The following GIGYF2 variants were observed in gnomAD, a reference collection of about 807,000 sequenced individuals.
GIGYF2 encodes the protein GRB10 interacting GYF protein 2.
A neutral mutation model predicts 208.1 loss-of-function variants in GIGYF2; 25 were observed. The ratio of observed to expected loss-of-function variants is 0.12; its 90% CI spans 0.09 to 0.17. The LOEUF (loss-of-function observed/expected upper bound fraction) is 0.17, where lower values mean the gene tolerates loss of function less well. GIGYF2 is among the 10% of genes least tolerant of loss of function. The probability of loss-of-function intolerance (pLI) is 1.00; values close to 1 mark genes in which losing one functional copy is unlikely to be tolerated. For synonymous variants in GIGYF2, 534 were observed against 543.8 expected, an observed-to-expected ratio of 0.98 and a Z score of 0.25; for missense variants, 1,302 against 1,579.4, an observed-to-expected ratio of 0.82 and a Z score of 2.98.
At chr2:232,718,118 C>T (rs549899011) in intron 2 of GIGYF2, among the ~76,000 whole-genome samples, 1 of 152,150 alleles carries the variant, frequency 6.6e-6, no homozygotes, top group South Asian at 2.1e-4. Flanking sequence ...GACGAATTCT[C>T]ACTCTGTTGC....
At chr2:232,779,956 T>C (rs1216382464) in intron 8 of GIGYF2, among the ~76,000 whole-genome samples, 1 of 152,158 alleles carries the variant, frequency 6.6e-6, no homozygotes, top group Non-Finnish European at 1.5e-5. Flanking sequence ...TTTTTGGTGT[T>C]GATCAGATAA....
chr2:232,775,445 ATTTCT>A (rs1195951153), intron 8 of GIGYF2, among the ~76,000 whole-genome samples: 2 of 152,146 alleles, frequency 1.3e-5, no homozygotes, highest in African/African-American at 4.8e-5. Flanking sequence ...TTCCTATATG[ATTTCT>A]TTTATTTCTG....
intron 3 of GIGYF2, chr2:232,735,497 TTC>T (rs2106296706): frequency 2.7e-6 from 1 of 373,930 alleles, no homozygotes; most frequent in South Asian, 7.3e-5. Flanking sequence ...GAAAATTATT[TTC>T]TTTTTATTTG....
At chr2:232,725,300 T>C (rs1430625374) in intron 2 of GIGYF2, among the ~76,000 whole-genome samples, 2 of 152,244 alleles carry the variant, frequency 1.3e-5, no homozygotes, top group East Asian at 3.8e-4. Context: ...TTTACCAATC[T>C]TCACATTAGT....
chr2:232,699,081 G>A (rs964482719), intron 1 of GIGYF2, among the ~76,000 whole-genome samples: 1 of 152,192 alleles, frequency 6.6e-6, no homozygotes, highest in Non-Finnish European at 1.5e-5. Context: ...AAAAAAATGA[G>A]TCAGGGAGAT....
chr2:232,704,856 A>ATTTTTTTTTT lies in GIGYF2; in HGVS notation c.-44+1379_-44+1388dup, dbSNP rs10689292. On this transcript the variant is annotated intron_variant, in intron 2 of 28. Coordinates refer to ENST00000373563, the MANE Select transcript of GIGYF2 (RefSeq NM_001103146.3). The stretch of plus-strand genomic sequence containing the variant: ...GTTTTTTATAAATTTTAACTTCTGG[A>ATTTTTTTTTT]TTTTTTTTTTTTTTTTTTTTTGAGA... Among the ~76,000 whole-genome samples the ATTTTTTTTTT allele has an allele frequency of 2.6e-4, 26 of 101,958 alleles. 4 individuals are homozygous for ATTTTTTTTTT. Among genetic ancestry groups the ATTTTTTTTTT allele is most frequent in the South Asian group, 7.1e-4 (2 of 2,820 alleles). 66.9% of individuals were successfully genotyped at this position (101,958 alleles called of 152,430 possible).
chr2:232,810,897 T>A (rs1202160999), intron 16 of GIGYF2: 1 of 255,388 alleles, frequency 3.9e-6, no homozygotes, highest in Admixed American at 5.1e-5. Flanking sequence ...CTGTTTCATT[T>A]TTCATTTGAT....
intron 8 of GIGYF2, among the ~76,000 whole-genome samples, chr2:232,783,577 A>G (rs562172160): frequency 3.3e-5 from 5 of 152,328 alleles, no homozygotes; most frequent in South Asian, 2.1e-4. Context: ...ATTTTGAACA[A>G]TACTTGTTCA....
chr2:232,703,769 C>T (rs918273375), intron 2 of GIGYF2, among the ~76,000 whole-genome samples: 8 of 152,142 alleles, frequency 5.3e-5, no homozygotes, highest in African/African-American at 1.9e-4. Context: ...TGTAAAGAAC[C>T]AAAGAGCAGT....
chr2:232,789,992 T>C (rs1489778644), intron 9 of GIGYF2, among the ~76,000 whole-genome samples: 1 of 152,082 alleles, frequency 6.6e-6, no homozygotes, highest in African/African-American at 2.4e-5. Flanking sequence ...TATGTTATTG[T>C]GGAACAAGCA....
At chr2:232,768,161 G>A (rs759022075) in intron 8 of GIGYF2, 3 of 1,609,522 alleles carry the variant, frequency 1.9e-6, no homozygotes, top group Non-Finnish European at 8.5e-7. Context: ...CTGGCTGGGT[G>A]TATTTAATAC....
Position 232,721,313 on chromosome 2 carries a change from G to C in GIGYF2, c.-43-13842G>C, listed in dbSNP as rs75756232. 7.3e-3 allele frequency among the ~76,000 whole-genome samples: 1,113 copies of C among 152,324 alleles called. 44 individuals carry two copies. The highest frequency in any genetic ancestry group is 0.048 in the Admixed American group (727 of 15,298). The stretch of plus-strand genomic sequence containing the variant: ...TCTTCTTCCCTTGACCAAATCTCTT[G>C]TTTAATTCCTAAGGCTTTCCTCTTG... On this transcript the variant is annotated intron_variant, in intron 2 of 28. Coordinates refer to ENST00000373563, the MANE Select transcript of GIGYF2 (RefSeq NM_001103146.3).
At chr2:232,814,936 A>G (rs753959127) in intron 18 of GIGYF2, among the ~76,000 whole-genome samples, 1 of 152,214 alleles carries the variant, frequency 6.6e-6, no homozygotes, top group East Asian at 1.9e-4. Flanking sequence ...AAGTGGTGCT[A>G]GAAAACTTCG....
In GIGYF2 at chr2:232,700,511, C is replaced by CT. The variant is rs1331022187; in HGVS notation, c.-109-2910dup. The stretch of plus-strand genomic sequence containing the variant: ...GACTTGTGCCATTTTCAAATTTTGA[C>CT]TTTGTTTGCAGTTCTCCATTAGCTC... On this transcript the variant is annotated intron_variant, in intron 1 of 28. Transcript: ENST00000373563. 2.0e-5 allele frequency: 3 copies of CT among 152,218 alleles called. No homozygotes were observed. The East Asian group carries it at 5.8e-4, about 29-fold the overall frequency. 9.4% of individuals were successfully genotyped at this position (152,218 alleles called of 1,614,324 possible).
chr2:232,710,011 G>GCAC (rs1468299370), intron 2 of GIGYF2, among the ~76,000 whole-genome samples: 1 of 151,892 alleles, frequency 6.6e-6, no homozygotes, highest in African/African-American at 2.4e-5. Context: ...CCAGGCTGGA[G>GCAC]TGCAGTGGCG....
chr2:232,818,483 T>C (rs959099745), intron 20 of GIGYF2, among the ~76,000 whole-genome samples: 14 of 152,218 alleles, frequency 9.2e-5, no homozygotes, highest in Non-Finnish European at 1.9e-4. Context: ...GACTTCATTC[T>C]TCTGCCTATA....
intron 8 of GIGYF2, among the ~76,000 whole-genome samples, chr2:232,769,651 T>A (rs1429112457): frequency 6.6e-6 from 1 of 152,162 alleles, no homozygotes. Context: ...AGGTCTATCT[T>A]CCTTGTGCCC....
At chr2:232,751,265 A>T (rs1454831620) in intron 5 of GIGYF2, among the ~76,000 whole-genome samples, 1 of 152,116 alleles carries the variant, frequency 6.6e-6, no homozygotes, top group East Asian at 1.9e-4. Flanking sequence ...CTCAGGCTGT[A>T]GTGCAGTGTC....
intron 2 of GIGYF2, chr2:232,729,897 A>G (rs1044493857): frequency 8.2e-5 from 61 of 740,016 alleles, no homozygotes; most frequent in Admixed American, 1.6e-4. Context: ...AAAGAGATCA[A>G]TGTCATCATC....
Sources: allele counts gnomAD v4.1 joint callset (sites outside exome capture counted in the v4.1 genomes callset), GRCh38; gene constraint gnomAD v4.1.1; transcripts MANE v1.5; gene names NCBI Gene and HGNC (gene_info 2026-07-23, HGNC 2026-07-21).